The following CCDC77 variants were observed in gnomAD, a reference collection of about 807,000 sequenced individuals.
CCDC77 encodes coiled-coil domain-containing protein 77.
Under a neutral mutation model 66.8 loss-of-function variants are expected in CCDC77, and 56 were observed. The ratio of observed to expected loss-of-function variants is 0.84; its 90% CI spans 0.68 to 1.05. The LOEUF is 1.05. Among genes scored for constraint, CCDC77 ranks in the 50% least tolerant of loss-of-function variants. CCDC77 has a pLI of 0.00. For missense variants in CCDC77, 570 were observed against 576.8 expected, an observed-to-expected ratio of 0.99 and a Z score of 0.12; for synonymous variants, 196 against 195.2, an observed-to-expected ratio of 1.00 and a Z score of -0.03.
At chr12:436,141 A>T (rs577672033) in intron 9 of CCDC77, among the ~76,000 whole-genome samples, 5 of 132,782 alleles carry the variant, frequency 3.8e-5, no homozygotes, top group Non-Finnish European at 6.2e-5. Context: ...TTTTTGAGAC[A>T]GAGTCTCGCT....
chr12:391,371 C>G (rs974033788), intron 1 of CCDC77, among the ~76,000 whole-genome samples: 8 of 152,006 alleles, frequency 5.3e-5, no homozygotes, highest in African/African-American at 1.9e-4. Context: ...AGGAGAATTG[C>G]TTGAACCCAG....
At chr12:397,986 C>G (rs2137525522), upstream of CCDC77, among the ~76,000 whole-genome samples, 1 of 152,162 alleles carries the variant, frequency 6.6e-6, no homozygotes, top group African/African-American at 2.4e-5. Context: ...ATCGTCTAAG[C>G]CAAGTCATAA....
At chr12:400,166 A>G (rs1944877710), upstream of CCDC77, among the ~76,000 whole-genome samples, 1 of 152,198 alleles carries the variant, frequency 6.6e-6, no homozygotes, top group Non-Finnish European at 1.5e-5. Flanking sequence ...TTTCTTCTGC[A>G]GCTTCCTCAC....
At chr12:436,115 C>CTTTTTTTTTTTTTTTTTTTTTTTT (rs1181059309) in intron 9 of CCDC77, among the ~76,000 whole-genome samples, 1 of 106,176 alleles carries the variant, frequency 9.4e-6, no homozygotes, top group Non-Finnish European at 1.8e-5. Flanking sequence ...GATCCTTTGT[C>CTTTTTTTTTTTTTTTTTTTTTTTT]TTTTTTTTTT....
At chr12:414,804 C>T (rs1448670893) in intron 4 of CCDC77, among the ~76,000 whole-genome samples, 1 of 152,140 alleles carries the variant, frequency 6.6e-6, no homozygotes, top group African/African-American at 2.4e-5. Context: ...TCCATTCCCA[C>T]ACCCACCTCA....
chr12:441,646 T>C, intron 12 of CCDC77, 128 bp from the exon 13 acceptor site: 1 of 953,828 alleles, frequency 1.0e-6, no homozygotes, highest in Non-Finnish European at 1.5e-6. Flanking sequence ...GAACAAAGGA[T>C]GGAATTTATC....
intron 4 of CCDC77, among the ~76,000 whole-genome samples, chr12:415,756 C>G (rs1032357704): frequency 6.6e-6 from 1 of 151,838 alleles, no homozygotes; most frequent in African/African-American, 2.4e-5. Context: ...CCTCAGCCTC[C>G]CAAGTAGCTG....
At chr12:422,187 G>A (rs1945409960) in intron 5 of CCDC77, among the ~76,000 whole-genome samples, 1 of 135,848 alleles carries the variant, frequency 7.4e-6, no homozygotes, top group Non-Finnish European at 1.6e-5. Flanking sequence ...CTGGGAGTGA[G>A]AGGGTAAATA....
intron 9 of CCDC77, among the ~76,000 whole-genome samples, chr12:434,462 C>T (rs1470164117): frequency 3.3e-5 from 5 of 151,856 alleles, no homozygotes; most frequent in Admixed American, 6.6e-5. Context: ...AAGCGATTCT[C>T]CTGCCTCAGC....
intron 7 of CCDC77, 29 bp from the exon 8 acceptor site, chr12:431,834 ATCT>A (rs754659107): frequency 3.8e-5 from 55 of 1,437,172 alleles, no homozygotes; most frequent in Non-Finnish European, 5.0e-5. Flanking sequence ...GCTGAGTAAA[ATCT>A]TCTTGATGGA....
At chr12:413,972 A>T (rs149319782) in intron 4 of CCDC77, among the ~76,000 whole-genome samples, 1 of 151,722 alleles carries the variant, frequency 6.6e-6, no homozygotes, top group African/African-American at 2.4e-5. Context: ...TTGCCATGCC[A>T]CTAAAACCGT....
intron 9 of CCDC77, among the ~76,000 whole-genome samples, chr12:434,353 CTT>C (rs537288173): frequency 2.4e-4 from 33 of 137,178 alleles, no homozygotes; most frequent in Admixed American, 2.2e-4. Flanking sequence ...ACTTTTCTTT[CTT>C]TTTTTTTTTT....
intron 10 of CCDC77, among the ~76,000 whole-genome samples, chr12:439,386 G>C (rs1046384641): frequency 6.6e-6 from 1 of 151,922 alleles, no homozygotes; most frequent in Non-Finnish European, 1.5e-5. Context: ...GGGGCGTGGT[G>C]GTGGGCACCT....
At chr12:399,039 A>G (rs1944863950), upstream of CCDC77, among the ~76,000 whole-genome samples, 2 of 152,142 alleles carry the variant, frequency 1.3e-5, no homozygotes. Flanking sequence ...GGTGTGAGAC[A>G]TCTCACCAAG....
At chr12:434,279 T>A (rs949957819) in intron 9 of CCDC77, among the ~76,000 whole-genome samples, 1 of 152,152 alleles carries the variant, frequency 6.6e-6, no homozygotes, top group African/African-American at 2.4e-5. Context: ...GCAGTCTGAC[T>A]TCATCCCCAC....
chr12:428,355 AC>A (rs1279967309), intron 5 of CCDC77, among the ~76,000 whole-genome samples: 1 of 151,964 alleles, frequency 6.6e-6, no homozygotes, highest in African/African-American at 2.4e-5. Context: ...TACTAAAAAT[AC>A]AAAAATTAGC....
At chr12:397,901 C>T (rs572500735), upstream of CCDC77, among the ~76,000 whole-genome samples, 4 of 152,192 alleles carry the variant, frequency 2.6e-5, no homozygotes, top group Non-Finnish European at 5.9e-5. Context: ...CCGTCTCAGC[C>T]TCCTGCAGTG....
chr12:430,744 C>G lies in CCDC77; in HGVS notation c.583+8C>G, dbSNP rs1945633909. 1.9e-6 allele frequency: 3 copies of G among 1,599,360 alleles called. No individual in the cohort carries two copies. Among genetic ancestry groups the G allele is most frequent in the Admixed American group, 1.7e-5 (1 of 59,992 alleles). ...CTTCAGCTTTCAAAGCAGGTAACAA[C>G]CATATAACCTATTAGAAATTCTCAT... On this transcript the variant is annotated splice_region_variant and intron_variant, in intron 7 of 12. Transcript: ENST00000239830.
Position 415,380 on chromosome 12 carries a change from AATATTATGTTAATATAATCAAC to A in CCDC77, c.271-3110_271-3089del, listed in dbSNP as rs1565568095. On this transcript the variant is annotated intron_variant, in intron 4 of 12. Transcript: ENST00000239830. The stretch of plus-strand genomic sequence containing the variant: ...AATATTATGTTAATATAATCAACAT[AATATTATGTTAATATAATCAAC>A]ATAATATGTTGATATTATTAACATA... Among the ~76,000 whole-genome samples the A allele has an allele frequency of 3.7e-5, 4 of 109,242 alleles. No homozygotes were observed. The East Asian group carries it at 1.1e-3, about 30-fold the overall frequency. 71.7% of individuals were successfully genotyped at this position (109,242 alleles called of 152,430 possible).
Sources: gnomAD v4.1 joint callset for allele counts (sites outside exome capture counted in the v4.1 genomes callset) on GRCh38, gnomAD v4.1.1 for gene constraint, MANE v1.5 for transcripts, NCBI Gene and HGNC (gene_info 2026-07-23, HGNC 2026-07-21) for gene names.